The following COBLL1 variants were observed in gnomAD, a reference collection of about 807,000 sequenced individuals.
The protein encoded by COBLL1 is cordon-bleu protein-like 1.
COBLL1 carries 50 observed loss-of-function variants against 94.8 expected under a neutral mutation model. That is an observed-to-expected ratio of 0.53 (90% CI 0.42 to 0.67). The LOEUF (loss-of-function observed/expected upper bound fraction) is 0.67, where lower values mean the gene tolerates loss of function less well. Ranked by LOEUF, COBLL1 falls within the 30% of genes least tolerant of loss-of-function variation. COBLL1 has a pLI of 0.00. For missense variants in COBLL1, 1,362 were observed against 1,348.7 expected (o/e 1.01, Z -0.15); for synonymous variants, 448 against 473.8 (o/e 0.95, Z 0.71).
rs1306190536 is a variant in COBLL1 at position 164,681,641 on chromosome 2, C to T, written c.*4305G>A. On this transcript the variant is annotated 3_prime_UTR_variant, in exon 14 of 14. Coordinates refer to ENST00000652658, the MANE Select transcript of COBLL1 (RefSeq NM_001365672.2). The stretch of plus-strand genomic sequence containing the variant: ...ATTGAGGCCATCACTATGCCTATCG[C>T]TATCGCAAGGCGTGGGCTGGAAACT... The T allele has an allele frequency of 1.3e-5, 2 of 152,198 alleles. No individual in the cohort carries two copies. Among genetic ancestry groups the T allele is most frequent in the African/African-American group, 4.8e-5 (2 of 41,448 alleles). The allele number at this position is 152,198 out of a possible 1,614,324, so 9.4% of individuals were successfully genotyped here.
chr2:164,661,111 GGGA>G (rs1200455357), intron 2 of COBLL1, among the ~76,000 whole-genome samples: 8 of 151,980 alleles, frequency 5.3e-5, no homozygotes, highest in African/African-American at 1.7e-4. Context: ...AATGGAGTTT[GGGA>G]GGAGAACATT....
chr2:164,820,987 A>C (rs1314833220), intron 2 of COBLL1, among the ~76,000 whole-genome samples: 1 of 152,164 alleles, frequency 6.6e-6, no homozygotes, highest in Non-Finnish European at 1.5e-5. Context: ...TCCCAGGTTC[A>C]AGTGATTCTC....
chr2:164,798,344 G>T (rs948095063), intron 2 of COBLL1, among the ~76,000 whole-genome samples: 1 of 152,176 alleles, frequency 6.6e-6, no homozygotes, highest in East Asian at 1.9e-4. Flanking sequence ...TCTCCCTAGA[G>T]TTTGCCAAGG....
At chr2:164,745,795 T>G (rs907073521) in intron 2 of COBLL1, among the ~76,000 whole-genome samples, 1 of 152,110 alleles carries the variant, frequency 6.6e-6, no homozygotes, top group African/African-American at 2.4e-5. Context: ...GGAAAGTTAA[T>G]AGAACCATAA....
At position 164,841,251 on chromosome 2, in the gene COBLL1, G is replaced by A; in HGVS notation, c.-50-5C>T. 1 of 1,225,682 alleles carries A rather than the reference G, an allele frequency of 8.2e-7. No homozygotes were observed. Among genetic ancestry groups the A allele is most frequent in the Non-Finnish European group, 1.0e-6 (1 of 984,248 alleles). 75.9% of individuals were successfully genotyped at this position (1,225,682 alleles called of 1,614,324 possible). On this transcript the variant is annotated splice_polypyrimidine_tract_variant and splice_region_variant and intron_variant, in intron 1 of 13. Transcript: ENST00000652658. This position sits in a 1 kb window ranked among gnomAD's most constrained non-coding sequence, Gnocchi z 5.5. ...CTCCCAGGCGGCGCGTCACTGCTGG[G>A]GTGGGAGAGGCCGGCGGGTCAGGGC...
chr2:164,778,703 TATCATTATAATG>T (rs1688592398), intron 2 of COBLL1, among the ~76,000 whole-genome samples: 1 of 152,146 alleles, frequency 6.6e-6, no homozygotes, highest in Admixed American at 6.6e-5. Context: ...CATATGGAGA[TATCATTATAATG>T]AAAATGGAAG....
chr2:164,721,709 A>G (rs1039014929), intron 7 of COBLL1: 2 of 155,084 alleles, frequency 1.3e-5, no homozygotes, highest in African/African-American at 4.8e-5. Flanking sequence ...TATAAAAAAG[A>G]ACTATTCAAA....
intron 2 of COBLL1, among the ~76,000 whole-genome samples, chr2:164,763,726 A>G (rs1558992121): frequency 6.6e-6 from 1 of 152,256 alleles, no homozygotes; most frequent in East Asian, 1.9e-4. Context: ...TTAGTATACT[A>G]TCTTTCGATA....
chr2:164,805,354 T>TATATAC (rs1684086469), intron 2 of COBLL1, among the ~76,000 whole-genome samples: 4 of 100,964 alleles, frequency 4.0e-5, no homozygotes, highest in Non-Finnish European at 4.2e-5. Context: ...TATATATATA[T>TATATAC]ATATATATAA....
downstream of COBLL1, among the ~76,000 whole-genome samples, chr2:164,676,980 A>C (rs1205842853): frequency 6.6e-6 from 1 of 152,154 alleles, no homozygotes; most frequent in Non-Finnish European, 1.5e-5. Context: ...TAGAATAAAC[A>C]TCACTGATAA....
chr2:164,802,361 C>T (rs938881127), intron 2 of COBLL1, among the ~76,000 whole-genome samples: 2 of 152,176 alleles, frequency 1.3e-5, no homozygotes, highest in East Asian at 1.9e-4. Flanking sequence ...AAACCTGCAC[C>T]TCTATAATGT....
chr2:164,763,043 A>G (rs1376061001), intron 2 of COBLL1, among the ~76,000 whole-genome samples: 1 of 152,146 alleles, frequency 6.6e-6, no homozygotes, highest in East Asian at 1.9e-4. Flanking sequence ...GAACATGAAC[A>G]TGCTCATTTG....
Position 164,683,541 on chromosome 2 carries a change from A to T in COBLL1, c.*2405T>A, listed in dbSNP as rs1683139805. On this transcript the variant is annotated 3_prime_UTR_variant, in exon 14 of 14. Transcript: ENST00000652658. ...AAACTACAAGTATACTAGAATTTAG[A>T]ATATAATAAGCACTTGTTTTCAAAC... 6.6e-6 allele frequency: 1 copy of T among 152,156 alleles called. No individual in the cohort carries two copies. The highest frequency in any genetic ancestry group is 1.5e-5 in the Non-Finnish European group (1 of 68,030). 9.4% of individuals were successfully genotyped at this position (152,156 alleles called of 1,614,324 possible).
chr2:164,793,477 T>C (rs1362285158), intron 2 of COBLL1, among the ~76,000 whole-genome samples: 1 of 152,234 alleles, frequency 6.6e-6, no homozygotes, highest in Non-Finnish European at 1.5e-5. Context: ...TACGTTTTAC[T>C]GTGCTGAAAA....
intron 1 of COBLL1, among the ~76,000 whole-genome samples, chr2:164,674,258 A>G (rs1480154905): frequency 1.3e-5 from 2 of 152,064 alleles, no homozygotes; most frequent in Non-Finnish European, 2.9e-5. Context: ...ATAGGGTTTC[A>G]CCGTGTTGGC....
intron 3 of COBLL1, among the ~76,000 whole-genome samples, chr2:164,735,175 C>A (rs990213422): frequency 6.6e-6 from 1 of 152,108 alleles, no homozygotes; most frequent in African/African-American, 2.4e-5. Context: ...TCGCTGTTGT[C>A]GAATGGGGAA....
chr2:164,833,961 T>C (rs1228856045), intron 2 of COBLL1, among the ~76,000 whole-genome samples: 1 of 152,198 alleles, frequency 6.6e-6, no homozygotes, highest in Non-Finnish European at 1.5e-5. Context: ...ATTCCTCAGA[T>C]ATGAAGTTTG....
chr2:164,670,829 T>C (rs969755694), intron 1 of COBLL1, among the ~76,000 whole-genome samples: 10 of 152,124 alleles, frequency 6.6e-5, no homozygotes, highest in Non-Finnish European at 1.5e-4. Flanking sequence ...TGTCCCACAC[T>C]GAATTACTTC....
chr2:164,818,783 C>CATATATATATAT (rs1559047147), intron 2 of COBLL1, among the ~76,000 whole-genome samples: 1,773 of 117,478 alleles, frequency 0.015, 45 homozygotes, highest in African/African-American at 0.049. Flanking sequence ...TATATATATA[C>CATATATATATAT]ATATAATTTT....
Sources: gnomAD v4.1 joint callset for allele counts (sites outside exome capture counted in the v4.1 genomes callset) on GRCh38, gnomAD v4.1.1 for gene constraint, Gnocchi (gnomAD v3.1) non-coding constraint, MANE v1.5 for transcripts, NCBI Gene and HGNC (gene_info 2026-07-23, HGNC 2026-07-21) for gene names.